SEL1L2: variants seen among roughly 807,000 people sequenced by gnomAD.
SEL1L2 encodes the protein protein sel-1 homolog 2.
Under a neutral mutation model 98.8 loss-of-function variants are expected in SEL1L2, and 89 were observed. The ratio of observed to expected loss-of-function variants is 0.90; its 90% CI spans 0.76 to 1.07. The LOEUF is 1.07. SEL1L2 is among the 50% of genes least tolerant of loss of function. The probability of loss-of-function intolerance (pLI) is 0.00; values close to 1 mark genes in which losing one functional copy is unlikely to be tolerated. For synonymous variants in SEL1L2, 262 were observed against 278.5 expected (o/e 0.94, Z 0.59); for missense variants, 788 against 812.0 (o/e 0.97, Z 0.36).
chr20:13,942,644 C>T (rs56865832), intron 2 of SEL1L2, among the ~76,000 whole-genome samples: 9,721 of 152,188 alleles, frequency 0.064, 345 homozygotes, highest in Non-Finnish European at 0.073. Context: ...AAAAATTTAA[C>T]ATCAGTCATA....
chr20:13,971,506 A>G (rs1282453445), intron 1 of SEL1L2, among the ~76,000 whole-genome samples: 1 of 151,994 alleles, frequency 6.6e-6, no homozygotes, highest in East Asian at 1.9e-4. Flanking sequence ...GCTCACTGCA[A>G]CCTTCACCTC....
intron 5 of SEL1L2, among the ~76,000 whole-genome samples, chr20:13,900,006 A>T (rs563282693): frequency 2.1e-4 from 32 of 152,336 alleles, no homozygotes; most frequent in African/African-American, 7.2e-4. Flanking sequence ...AATGATATTT[A>T]AAGATTTTCT....
chr20:13,857,997 C>T (rs532537198), intron 18 of SEL1L2, among the ~76,000 whole-genome samples: 8 of 152,168 alleles, frequency 5.3e-5, no homozygotes, highest in Admixed American at 6.5e-5. Context: ...TTCTTACCCA[C>T]ATTTTACAAA....
intron 6 of SEL1L2, 25 bp downstream of exon 6, chr20:13,888,434 C>G: frequency 2.1e-6 from 3 of 1,452,328 alleles, no homozygotes; most frequent in Non-Finnish European, 2.9e-6. Context: ...AATTTTGTTC[C>G]AGAATAAAAC....
At chr20:13,904,341 C>T (rs2047821391) in intron 5 of SEL1L2, among the ~76,000 whole-genome samples, 1 of 152,072 alleles carries the variant, frequency 6.6e-6, no homozygotes, top group South Asian at 2.1e-4. Flanking sequence ...CCAGCCTGGC[C>T]AACGTGGTGA....
chr20:13,896,608 C>T (rs967545948), intron 5 of SEL1L2, among the ~76,000 whole-genome samples: 34 of 149,610 alleles, frequency 2.3e-4, no homozygotes, highest in African/African-American at 7.9e-4. Context: ...ATACTAGCAA[C>T]GAATAATTAA....
chr20:13,887,651 A>G (rs2047018349), intron 8 of SEL1L2, 118 bp downstream of exon 8: 1 of 673,582 alleles, frequency 1.5e-6, no homozygotes, highest in Non-Finnish European at 2.6e-6. Flanking sequence ...ATTATAACAT[A>G]TTAAAAACGT....
At chr20:13,885,907 G>A (rs1423360158) in intron 9 of SEL1L2, among the ~76,000 whole-genome samples, 3 of 151,988 alleles carry the variant, frequency 2.0e-5, no homozygotes. Flanking sequence ...TGGTGGTGTG[G>A]GCACCTGTAG....
At chr20:13,874,707 C>T (rs1272159375) in intron 12 of SEL1L2, among the ~76,000 whole-genome samples, 3 of 152,178 alleles carry the variant, frequency 2.0e-5, no homozygotes, top group Non-Finnish European at 4.4e-5. Flanking sequence ...GAGTACTAGC[C>T]TTCTCAGTAA....
chr20:13,890,479 A>T (rs1319325298), intron 5 of SEL1L2, among the ~76,000 whole-genome samples: 2 of 152,226 alleles, frequency 1.3e-5, no homozygotes, highest in Non-Finnish European at 2.9e-5. Flanking sequence ...AGGTTCAAGA[A>T]GCTCTCAGAA....
At chr20:13,888,635 C>CTTTTT (rs71188192) in intron 5 of SEL1L2, 123 bp from the exon 6 acceptor site, 3,944 of 204,484 alleles carry the variant, frequency 0.019, 69 homozygotes, top group Admixed American at 0.022. Context: ...CTTTCTTTCT[C>CTTTTT]TTTTTTTTTT....
intron 3 of SEL1L2, among the ~76,000 whole-genome samples, chr20:13,921,280 C>T (rs1440439249): frequency 6.6e-6 from 1 of 152,190 alleles, no homozygotes; most frequent in Non-Finnish European, 1.5e-5. Flanking sequence ...TCAAGTGATT[C>T]TCATGCCTCA....
chr20:13,937,856 A>G (rs2049532371), intron 2 of SEL1L2, among the ~76,000 whole-genome samples: 1 of 152,198 alleles, frequency 6.6e-6, no homozygotes, highest in Non-Finnish European at 1.5e-5. Flanking sequence ...AACGTGTTTC[A>G]CAGGAGAAAC....
chr20:13,914,274 G>A (rs2048315532), intron 4 of SEL1L2, among the ~76,000 whole-genome samples: 1 of 152,078 alleles, frequency 6.6e-6, no homozygotes, highest in East Asian at 1.9e-4. Context: ...AAAAATTGAG[G>A]AACTTTTTCT....
chr20:13,903,117 C>CAAAAA (rs11473702), intron 5 of SEL1L2, among the ~76,000 whole-genome samples: 1 of 123,102 alleles, frequency 8.1e-6, no homozygotes. Flanking sequence ...GGCTCTTTCT[C>CAAAAA]AAAAAAAAAA....
intron 3 of SEL1L2, among the ~76,000 whole-genome samples, chr20:13,924,240 T>C (rs2048780848): frequency 6.6e-6 from 1 of 152,142 alleles, no homozygotes; most frequent in South Asian, 2.1e-4. Flanking sequence ...GGTATTTTTC[T>C]TTCAATCTAA....
intron 17 of SEL1L2, among the ~76,000 whole-genome samples, chr20:13,861,686 A>G (rs920161320): frequency 3.3e-5 from 5 of 152,148 alleles, no homozygotes; most frequent in African/African-American, 4.8e-5. Context: ...AAATCAAGTT[A>G]TGTTATTTCC....
chr20:13,897,511 G>A (rs2047473604), intron 5 of SEL1L2, among the ~76,000 whole-genome samples: 1 of 152,100 alleles, frequency 6.6e-6, no homozygotes, highest in Non-Finnish European at 1.5e-5. Flanking sequence ...TCTGTTAAGG[G>A]ATTAACATCC....
intron 8 of SEL1L2, 78 bp from the exon 9 acceptor site, chr20:13,886,520 G>A (rs987622586): frequency 4.8e-5 from 54 of 1,124,814 alleles, no homozygotes; most frequent in Middle Eastern, 4.0e-4. Context: ...AGAAAACACC[G>A]TTAGCTTATT....
Sources: gnomAD v4.1 joint callset for allele counts (sites outside exome capture counted in the v4.1 genomes callset) on GRCh38, gnomAD v4.1.1 for gene constraint, MANE v1.5 for transcripts, NCBI Gene and HGNC (gene_info 2026-07-23, HGNC 2026-07-21) for gene names.